Variants in MTMR10 observed in about 807,000 individuals in gnomAD.
MTMR10 encodes myotubularin related protein 10.
In MTMR10, 56 loss-of-function variants were observed where a neutral mutation model predicts 88.1. The observed-to-expected ratio is 0.64, with a 90% CI of 0.51 to 0.79. The LOEUF (loss-of-function observed/expected upper bound fraction) is 0.79. Ranked by LOEUF, MTMR10 falls within the 30% of genes least tolerant of loss-of-function variation. The pLI is 0.00. For missense variants in MTMR10, 883 were observed against 924.7 expected (o/e 0.95, Z 0.58); for synonymous variants, 380 against 340.9 (o/e 1.11, Z -1.26).
the MTMR10 span, chr15:30,926,667 AG>A: frequency 1.0e-6 from 1 of 985,424 alleles, no homozygotes; most frequent in Non-Finnish European, 1.2e-6. Context: ...GAGATACAGT[AG>A]GCCTGAAATG....
downstream of MTMR10, among the ~76,000 whole-genome samples, chr15:30,935,265 A>C (rs963478476): frequency 3.9e-5 from 6 of 152,110 alleles, no homozygotes; most frequent in African/African-American, 1.4e-4. Flanking sequence ...CTGAGATCAT[A>C]CCACTGTATA....
chr15:30,923,307 A>G, the MTMR10 span, among the ~76,000 whole-genome samples: 1 of 152,158 alleles, frequency 6.6e-6, no homozygotes, highest in Non-Finnish European at 1.5e-5. Flanking sequence ...AGCAAGAGAA[A>G]GCATCTGGTA....
intron 2 of MTMR10, among the ~76,000 whole-genome samples, chr15:30,990,267 A>G (rs973792898): frequency 1.3e-5 from 2 of 152,196 alleles, no homozygotes; most frequent in African/African-American, 4.8e-5. Flanking sequence ...TACACAGGAC[A>G]GCCTGCCCGT....
intron 6 of MTMR10, chr15:30,965,848 A>T: frequency 3.0e-6 from 1 of 327,976 alleles, no homozygotes; most frequent in Non-Finnish European, 6.1e-6. Flanking sequence ...TTTGGATCTT[A>T]TTTGTGGAAA....
chr15:30,977,001 C>T (rs144790812), intron 2 of MTMR10, 46 bp from the exon 3 acceptor site: 4 of 1,576,034 alleles, frequency 2.5e-6, no homozygotes, highest in African/African-American at 1.4e-5. Flanking sequence ...TCATAAAATA[C>T]CAACGGTCTT....
intron 11 of MTMR10, 110 bp downstream of exon 11, chr15:30,953,451 GT>G: frequency 1.3e-6 from 1 of 774,232 alleles, no homozygotes; most frequent in Non-Finnish European, 2.1e-6. Context: ...ATTGGGGGAA[GT>G]TGGATGAAGA....
At chr15:30,938,869 G>C (rs1460512230), downstream of MTMR10, 1 of 948,580 alleles carries the variant, frequency 1.1e-6, no homozygotes, top group Non-Finnish European at 1.3e-6. Context: ...AGAAGTATGG[G>C]TAGGAGAAGA....
At chr15:30,950,587 T>C (rs548776011) in intron 12 of MTMR10, among the ~76,000 whole-genome samples, 1 of 152,182 alleles carries the variant, frequency 6.6e-6, no homozygotes, top group East Asian at 1.9e-4. Flanking sequence ...GGAGAATCGC[T>C]TGAACCCAGG....
At chr15:30,966,816 T>G (rs1028880103) in intron 6 of MTMR10, among the ~76,000 whole-genome samples, 1 of 151,788 alleles carries the variant, frequency 6.6e-6, no homozygotes, top group African/African-American at 2.4e-5. Flanking sequence ...TAAAAGCTGC[T>G]CTGCAAAGCA....
At chr15:30,936,951 G>A (rs1039636079), downstream of MTMR10, among the ~76,000 whole-genome samples, 1 of 152,130 alleles carries the variant, frequency 6.6e-6, no homozygotes, top group African/African-American at 2.4e-5. Context: ...AAATCCTAAG[G>A]TGAACCATTG....
intron 5 of MTMR10, among the ~76,000 whole-genome samples, chr15:30,972,602 G>C (rs996093860): frequency 6.6e-6 from 1 of 152,052 alleles, no homozygotes; most frequent in African/African-American, 2.4e-5. Context: ...CACTTATTAT[G>C]CTCTGTTCAT....
the MTMR10 span, chr15:30,928,899 C>A: frequency 3.2e-6 from 2 of 623,260 alleles, no homozygotes; most frequent in South Asian, 1.4e-4. Context: ...GTATAAAGTA[C>A]CATCAGCATC....
intron 2 of MTMR10, among the ~76,000 whole-genome samples, chr15:30,980,806 C>T (rs2030516941): frequency 6.6e-6 from 1 of 152,100 alleles, no homozygotes; most frequent in South Asian, 2.1e-4. Context: ...AAATAACTCT[C>T]AATGGCCAAA....
chr15:30,940,785 ATTTT>A lies in MTMR10; in HGVS notation c.*681_*684del. The A allele has an allele frequency of 1.0e-6, 1 of 986,886 alleles. No homozygotes were observed. The highest frequency in any genetic ancestry group is 1.2e-6 in the Non-Finnish European group (1 of 830,684). The allele number at this position is 986,886 out of a possible 1,614,324, so 61.1% of individuals were successfully genotyped here. The stretch of plus-strand genomic sequence containing the variant: ...CCCCAATTTTAAAAAGTGAAATTAT[ATTTT>A]CTTCTGTAATATTTGTATCCTAAAG... On this transcript the variant is annotated 3_prime_UTR_variant, in exon 16 of 16. Coordinates refer to ENST00000435680, the MANE Select transcript of MTMR10 (RefSeq NM_017762.3).
At chr15:30,959,426 T>C (rs554261922) in intron 7 of MTMR10, among the ~76,000 whole-genome samples, 99 of 152,368 alleles carry the variant, frequency 6.5e-4, no homozygotes, top group African/African-American at 2.3e-3. Context: ...TATCCACCTT[T>C]GTTCTCTTGA....
chr15:30,959,118 A>T lies in MTMR10; in HGVS notation c.762T>A (p.Leu254=). The T allele has an allele frequency of 6.4e-7, 1 of 1,573,232 alleles. No homozygotes were observed. The highest frequency in any genetic ancestry group is 8.6e-7 in the Non-Finnish European group (1 of 1,160,474). ...AACTTGGCACTACAATGTATTCTGG[A>T]AGGCTGGAGGGGAAAAAAAAAATTA... ...INEGYMISTC[L]PEYIVVPSSL... is the part of the protein sequence containing the mutation. Residue 254 remains leucine (L), a synonymous_variant, in exon 8 of 16, where the codon CTT becomes CTA. Transcript: ENST00000435680.
chr15:30,947,012 A>G, intron 14 of MTMR10, 118 bp downstream of exon 14: 3 of 1,284,700 alleles, frequency 2.3e-6, no homozygotes, highest in Non-Finnish European at 3.2e-6. Context: ...TCAGCTGAAA[A>G]TGGCAGTAAG....
At chr15:30,929,873 AATATATAATATATATC>A in the MTMR10 span, among the ~76,000 whole-genome samples, 4 of 93,458 alleles carry the variant, frequency 4.3e-5, no homozygotes, top group Non-Finnish European at 1.9e-5. Flanking sequence ...ATATATATAA[AATATATAATATATATC>A]ATATATAATA....
the MTMR10 span, among the ~76,000 whole-genome samples, chr15:30,932,970 T>G: frequency 6.6e-6 from 1 of 152,024 alleles, no homozygotes; most frequent in Non-Finnish European, 1.5e-5. Context: ...TCTGCCCACC[T>G]TGGCCTCCCA....
Sources: gnomAD v4.1 joint callset for allele counts (sites outside exome capture counted in the v4.1 genomes callset) on GRCh38, gnomAD v4.1.1 for gene constraint, MANE v1.5 for transcripts, NCBI Gene and HGNC (gene_info 2026-07-23, HGNC 2026-07-21) for gene names.